The following XKR4 variants were observed in gnomAD, a reference collection of about 807,000 sequenced individuals.
XKR4 encodes the protein XK related 4.
XKR4 carries 12 observed loss-of-function variants against 53.9 expected under a neutral mutation model. The observed-to-expected ratio is 0.22, with a 90% CI of 0.14 to 0.36. The LOEUF (loss-of-function observed/expected upper bound fraction) is 0.36. Among genes scored for constraint, XKR4 ranks in the 10% least tolerant of loss-of-function variants. XKR4 has a pLI of 1.00. For missense variants in XKR4, 799 were observed against 859.5 expected (o/e 0.93, Z 0.88); for synonymous variants, 354 against 362.4 (o/e 0.98, Z 0.26).
At chr8:55,227,625 G>A (rs369963155) in intron 1 of XKR4, among the ~76,000 whole-genome samples, 26 of 152,296 alleles carry the variant, frequency 1.7e-4, no homozygotes, top group African/African-American at 5.8e-4. Context: ...ACTTGAAAGG[G>A]CCCTGGCTGA....
chr8:55,531,731 C>A lies in XKR4; in HGVS notation c.*7504C>A, dbSNP rs1005311389. ...AAAAGGCATGAAATTAGGGAGACTC[C>A]AAAGTGAAGAGTTTTCCAATAGGTG... On this transcript the variant is annotated 3_prime_UTR_variant, in exon 3 of 3. Coordinates refer to ENST00000327381, the MANE Select transcript of XKR4 (RefSeq NM_052898.2). 4 of 152,184 alleles carry A rather than the reference C, an allele frequency of 2.6e-5. No individual in the cohort carries two copies. Among genetic ancestry groups the A allele is most frequent in the Non-Finnish European group, 1.5e-5 (1 of 68,028 alleles). The allele number at this position is 152,184 out of a possible 1,614,324, so 9.4% of individuals were successfully genotyped here.
chr8:55,105,343 T>A (rs1031705246), intron 1 of XKR4, among the ~76,000 whole-genome samples: 1 of 132,244 alleles, frequency 7.6e-6, no homozygotes, highest in East Asian at 2.1e-4. Flanking sequence ...AAAAGTTATT[T>A]CAGAGGTAGG....
rs751038148 is a variant in XKR4 at position 55,524,236 on chromosome 8, G to T, written c.*9G>T. On this transcript the variant is annotated 3_prime_UTR_variant, in exon 3 of 3. Transcript: ENST00000327381. ...ACGAAACCACTTTATAAAGCAAAAG[G>T]AGTTGCAGGACCCACAACATCCAGA... The T allele has an allele frequency of 1.2e-5, 19 of 1,604,960 alleles. No individual in the cohort carries two copies. Among genetic ancestry groups the T allele is most frequent in the Non-Finnish European group, 1.6e-5 (19 of 1,174,846 alleles).
intron 1 of XKR4, among the ~76,000 whole-genome samples, chr8:55,129,110 T>G (rs1816518157): frequency 1.3e-5 from 2 of 152,204 alleles, no homozygotes; most frequent in Admixed American, 6.5e-5. Context: ...GAACAATATT[T>G]TTCATAAAGT....
chr8:55,317,426 G>T (rs925535414), intron 1 of XKR4, among the ~76,000 whole-genome samples: 3 of 151,948 alleles, frequency 2.0e-5, no homozygotes, highest in African/African-American at 7.2e-5. Flanking sequence ...ATGTTTTTTG[G>T]GGTAAAGCTT....
chr8:55,144,720 TG>T (rs1460446092), intron 1 of XKR4, among the ~76,000 whole-genome samples: 1 of 152,214 alleles, frequency 6.6e-6, no homozygotes, highest in African/African-American at 2.4e-5. Flanking sequence ...CTCTGCCCTG[TG>T]TAAGATGCCT....
chr8:55,116,167 A>T (rs1816303391), intron 1 of XKR4, among the ~76,000 whole-genome samples: 1 of 152,148 alleles, frequency 6.6e-6, no homozygotes, highest in Non-Finnish European at 1.5e-5. Flanking sequence ...GGCTGGATGG[A>T]AGGGATAGTG....
intron 1 of XKR4, chr8:55,272,961 C>A (rs1818713220): frequency 4.5e-6 from 2 of 442,592 alleles, no homozygotes; most frequent in Non-Finnish European, 9.0e-6. Context: ...TACATTGGAA[C>A]AATTAACTGA....
chr8:55,457,271 T>G (rs1805585209), intron 2 of XKR4, among the ~76,000 whole-genome samples: 1 of 151,880 alleles, frequency 6.6e-6, no homozygotes, highest in Non-Finnish European at 1.5e-5. Context: ...GCCTCCTGAA[T>G]AGCTGGGACT....
At chr8:55,204,292 C>A (rs74355890) in intron 1 of XKR4, among the ~76,000 whole-genome samples, 1 of 152,106 alleles carries the variant, frequency 6.6e-6, no homozygotes, top group South Asian at 2.1e-4. Context: ...TATTGACCAA[C>A]AAATCACAAC....
At chr8:55,227,512 T>G (rs73682915) in intron 1 of XKR4, among the ~76,000 whole-genome samples, 3,177 of 152,314 alleles carry the variant, frequency 0.021, 118 homozygotes, top group African/African-American at 0.071. Flanking sequence ...CACCAACCAG[T>G]TGTGTCTGAG....
intron 1 of XKR4, among the ~76,000 whole-genome samples, chr8:55,201,444 A>G (rs546757185): frequency 6.6e-6 from 1 of 152,332 alleles, no homozygotes; most frequent in Admixed American, 6.5e-5. Flanking sequence ...TGTCCTCTCT[A>G]GACTGGAGAG....
intron 1 of XKR4, among the ~76,000 whole-genome samples, chr8:55,206,116 G>A (rs1476785982): frequency 6.6e-6 from 1 of 152,226 alleles, no homozygotes; most frequent in Non-Finnish European, 1.5e-5. Context: ...AGCTCATAAA[G>A]GCAGTGCGGA....
chr8:55,115,906 G>A (rs1816299948), intron 1 of XKR4, among the ~76,000 whole-genome samples: 2 of 152,180 alleles, frequency 1.3e-5, no homozygotes, highest in African/African-American at 2.4e-5. Context: ...TGTCATTTGG[G>A]CTTTAGGACT....
chr8:55,417,329 A>G (rs758229079), intron 2 of XKR4, among the ~76,000 whole-genome samples: 10 of 152,218 alleles, frequency 6.6e-5, no homozygotes, highest in Admixed American at 2.6e-4. Flanking sequence ...TTTTCTTTAC[A>G]TGCTGTCTAA....
intron 1 of XKR4, among the ~76,000 whole-genome samples, chr8:55,138,413 G>A (rs1397769020): frequency 1.3e-5 from 2 of 152,190 alleles, no homozygotes; most frequent in Non-Finnish European, 2.9e-5. Context: ...AGAAATGCGA[G>A]AAGTTTTTAA....
At chr8:55,445,353 G>T (rs1248237488) in intron 2 of XKR4, among the ~76,000 whole-genome samples, 1 of 152,132 alleles carries the variant, frequency 6.6e-6, no homozygotes, top group Non-Finnish European at 1.5e-5. Flanking sequence ...CACCATGCCC[G>T]GCCACATGTG....
intron 1 of XKR4, among the ~76,000 whole-genome samples, chr8:55,192,329 T>C (rs1817454604): frequency 1.3e-5 from 2 of 151,578 alleles, no homozygotes; most frequent in South Asian, 2.1e-4. Context: ...AGGGATATTT[T>C]CCCCCTCAAA....
chr8:55,485,168 G>C (rs776729171), intron 2 of XKR4, among the ~76,000 whole-genome samples: 2 of 152,204 alleles, frequency 1.3e-5, no homozygotes, highest in Non-Finnish European at 2.9e-5. Flanking sequence ...TATGATTGAA[G>C]ACTATATGCT....
Sources: gnomAD v4.1 joint callset for allele counts (sites outside exome capture counted in the v4.1 genomes callset) on GRCh38, gnomAD v4.1.1 for gene constraint, MANE v1.5 for transcripts, NCBI Gene and HGNC (gene_info 2026-07-23, HGNC 2026-07-21) for gene names.